The following PARD3B variants were observed in gnomAD, a reference collection of about 807,000 sequenced individuals.
The protein encoded by PARD3B is partitioning defective 3 homolog B.
In PARD3B, 103 loss-of-function variants were observed where a neutral mutation model predicts 130.2. That is an observed-to-expected ratio of 0.79 (90% CI 0.67 to 0.93). The LOEUF is 0.93. PARD3B is among the 40% of genes least tolerant of loss of function. The pLI is 0.00. For missense variants in PARD3B, 1,609 were observed against 1,499.2 expected, an observed-to-expected ratio of 1.07 and a Z score of -1.21; for synonymous variants, 583 against 553.2, an observed-to-expected ratio of 1.05 and a Z score of -0.76.
chr2:204,890,800 T>C lies in PARD3B; in HGVS notation c.223-74352T>C, dbSNP rs1302206222. ...TCCCTCACTCATTTTTATTAAGTGA[T>C]AGCACGTTTCACTGCAGCTACTACA... On this transcript the variant is annotated intron_variant, in intron 2 of 22. Transcript: ENST00000406610. The surrounding 1 kb of genome is among the most constrained non-coding windows in gnomAD (Gnocchi z 4.9). 2.0e-5 allele frequency among the ~76,000 whole-genome samples: 3 copies of C among 152,234 alleles called. No homozygotes were observed. The highest frequency in any genetic ancestry group is 2.0e-4 in the Admixed American group (3 of 15,284).
At chr2:204,648,982 C>A (rs1324848597) in intron 1 of PARD3B, among the ~76,000 whole-genome samples, 1 of 40,822 alleles carries the variant, frequency 2.4e-5, no homozygotes, top group African/African-American at 1.5e-4. Context: ...TAATAGATAT[C>A]ATATAAATAA....
At position 204,605,194 on chromosome 2, in the gene PARD3B, A is replaced by G. The variant is rs146642408; in HGVS notation, c.120+59075A>G. Among the ~76,000 whole-genome samples, 396 of 152,182 alleles carry G rather than the reference A, an allele frequency of 2.6e-3. 2 individuals carry two copies. Among genetic ancestry groups the G allele is most frequent in the African/African-American group, 9.4e-3 (389 of 41,570 alleles). Reference sequence around the variant, plus strand: ...TCTGCCACAATCTGTTGATCAAGTAAGTCCGAAAGAAGGCCCCAATTCAAG... The same window carrying G: ...TCTGCCACAATCTGTTGATCAAGTAGGTCCGAAAGAAGGCCCCAATTCAAG... On this transcript the variant is annotated intron_variant, in intron 1 of 22. Transcript: ENST00000406610.
chr2:204,992,969 A>G (rs2125247372), intron 3 of PARD3B, among the ~76,000 whole-genome samples: 1 of 117,558 alleles, frequency 8.5e-6, no homozygotes, highest in East Asian at 2.7e-4. Flanking sequence ...CAGCTTAAGG[A>G]GATTTTGGGC....
intron 20 of PARD3B, among the ~76,000 whole-genome samples, chr2:205,472,687 G>A (rs1328286830): frequency 6.6e-6 from 1 of 152,108 alleles, no homozygotes; most frequent in Non-Finnish European, 1.5e-5. Flanking sequence ...AAAACAAGAT[G>A]CCCAGTAATG....
intron 21 of PARD3B, among the ~76,000 whole-genome samples, chr2:205,512,298 GAGGCTAAC>G (rs2050617011): frequency 6.6e-6 from 1 of 152,082 alleles, no homozygotes; most frequent in African/African-American, 2.4e-5. Flanking sequence ...GAATTTTAGC[GAGGCTAAC>G]AGGAAAACTT....
chr2:205,511,074 G>T (rs1199105412), intron 21 of PARD3B, among the ~76,000 whole-genome samples: 1 of 152,168 alleles, frequency 6.6e-6, no homozygotes, highest in Admixed American at 6.6e-5. Flanking sequence ...AAGAAAATGT[G>T]TGAATATTCA....
rs1483540775 is a variant in PARD3B at position 204,967,745 on chromosome 2, C to T, written c.394+2422C>T. On this transcript the variant is annotated intron_variant, in intron 3 of 22. Transcript: ENST00000406610. The surrounding 1 kb of genome is among the most constrained non-coding windows in gnomAD (Gnocchi z 4.4). ...AACACAGCCAGCTTTGGTCTCCACC[C>T]ATTCTGTTTTCCTGTTGTTGGCTCC... Among the ~76,000 whole-genome samples, 1 of 152,190 alleles carries T rather than the reference C, an allele frequency of 6.6e-6. No homozygotes were observed. The highest frequency in any genetic ancestry group is 2.4e-5 in the African/African-American group (1 of 41,452).
At chr2:204,615,041 G>T (rs754357324) in intron 1 of PARD3B, among the ~76,000 whole-genome samples, 12 of 152,020 alleles carry the variant, frequency 7.9e-5, no homozygotes, top group Non-Finnish European at 1.0e-4. Flanking sequence ...TTACATTTTT[G>T]CAGATCTTAA....
At chr2:204,686,077 C>A in intron 1 of PARD3B, 104 bp from the exon 2 acceptor site, 2 of 759,916 alleles carry the variant, frequency 2.6e-6, no homozygotes, top group East Asian at 2.7e-5. Flanking sequence ...AATTTGATTA[C>A]TAGAACATAT....
At chr2:205,402,697 C>T (rs1046111202) in intron 19 of PARD3B, among the ~76,000 whole-genome samples, 1 of 152,186 alleles carries the variant, frequency 6.6e-6, no homozygotes, top group African/African-American at 2.4e-5. Flanking sequence ...TGTAAATTCA[C>T]TTCAGCTGGC....
chr2:205,316,124 C>T (rs2042556074), intron 18 of PARD3B, among the ~76,000 whole-genome samples: 1 of 151,984 alleles, frequency 6.6e-6, no homozygotes. Context: ...TGTGTTGTGC[C>T]CCTTTAGTCA....
At chr2:205,450,466 CTTTTTTTTTTTTTTTT>C (rs869229400) in intron 20 of PARD3B, among the ~76,000 whole-genome samples, 3 of 78,378 alleles carry the variant, frequency 3.8e-5, no homozygotes, top group African/African-American at 1.7e-4. Context: ...AGTGCAGATT[CTTTTTTTTTTTTTTTT>C]TTTTTTTTTG....
chr2:205,042,677 G>A (rs1698475433), intron 3 of PARD3B, among the ~76,000 whole-genome samples: 1 of 151,918 alleles, frequency 6.6e-6, no homozygotes, highest in South Asian at 2.1e-4. Context: ...TCTCCAATAA[G>A]CCACGTATAA....
intron 3 of PARD3B, among the ~76,000 whole-genome samples, chr2:204,969,823 G>T (rs906000257): frequency 1.3e-5 from 2 of 152,154 alleles, no homozygotes; most frequent in Non-Finnish European, 2.9e-5. Flanking sequence ...GCTACTGAGA[G>T]AACAAGACCA....
chr2:204,912,200 T>C (rs1450066451), intron 2 of PARD3B, among the ~76,000 whole-genome samples: 3 of 152,202 alleles, frequency 2.0e-5, no homozygotes, highest in Non-Finnish European at 4.4e-5. Context: ...TAGAAACATA[T>C]GATAATTAAA....
At chr2:205,165,654 G>A (rs987511410) in intron 11 of PARD3B, among the ~76,000 whole-genome samples, 6 of 151,592 alleles carry the variant, frequency 4.0e-5, no homozygotes, top group African/African-American at 1.5e-4. Context: ...GGAGGCGGAG[G>A]TTGCAATGAG....
intron 15 of PARD3B, among the ~76,000 whole-genome samples, chr2:205,201,349 C>T (rs939053001): frequency 7.2e-5 from 11 of 151,832 alleles, no homozygotes; most frequent in African/African-American, 1.7e-4. Flanking sequence ...TGATGGAAAA[C>T]GGAATTCTGG....
At chr2:204,988,819 C>A (rs533885238) in intron 3 of PARD3B, among the ~76,000 whole-genome samples, 1 of 152,020 alleles carries the variant, frequency 6.6e-6, no homozygotes, top group South Asian at 2.1e-4. Context: ...AAATGGTGTG[C>A]CCATATTATA....
chr2:204,960,179 T>C (rs944725923), intron 2 of PARD3B, among the ~76,000 whole-genome samples: 6 of 152,308 alleles, frequency 3.9e-5, no homozygotes, highest in Middle Eastern at 3.4e-3. Context: ...CATTTGTCCT[T>C]AAGCTACTTT....
Sources: allele counts gnomAD v4.1 joint callset (sites outside exome capture counted in the v4.1 genomes callset), GRCh38; gene constraint gnomAD v4.1.1; non-coding constraint Gnocchi (gnomAD v3.1); transcripts MANE v1.5; gene names NCBI Gene and HGNC (gene_info 2026-07-23, HGNC 2026-07-21).